Variants in CHCHD6 observed in about 807,000 individuals in gnomAD.
The protein encoded by CHCHD6 is MICOS complex subunit MIC25.
A neutral mutation model predicts 32.3 loss-of-function variants in CHCHD6; 28 were observed. That is an observed-to-expected ratio of 0.87 (90% CI 0.64 to 1.19). CHCHD6 has a LOEUF of 1.19. Among genes scored for constraint, CHCHD6 ranks in the 50% most tolerant of loss-of-function variants. CHCHD6 has a pLI of 0.00. For missense variants in CHCHD6, 333 were observed against 307.0 expected (o/e 1.08, Z -0.63); for synonymous variants, 122 against 117.5 (o/e 1.04, Z -0.25).
chr3:126,797,850 C>G (rs1938866379), intron 4 of CHCHD6, among the ~76,000 whole-genome samples: 1 of 152,128 alleles, frequency 6.6e-6, no homozygotes, highest in Non-Finnish European at 1.5e-5. Flanking sequence ...AGCTCTCCCC[C>G]ATGGTGTGGT....
At chr3:126,764,549 C>T (rs182153679) in intron 4 of CHCHD6, among the ~76,000 whole-genome samples, 4 of 152,314 alleles carry the variant, frequency 2.6e-5, no homozygotes, top group African/African-American at 9.6e-5. Flanking sequence ...CTGCTCCACT[C>T]CCTGGCTAGG....
chr3:126,940,124 C>T (rs1046912404), intron 6 of CHCHD6, among the ~76,000 whole-genome samples: 10 of 152,122 alleles, frequency 6.6e-5, no homozygotes, highest in South Asian at 2.1e-4. Flanking sequence ...GAAAAAGTTT[C>T]GTCTTCTGAT....
At chr3:126,871,791 G>A (rs1385756041) in intron 5 of CHCHD6, among the ~76,000 whole-genome samples, 16 of 148,456 alleles carry the variant, frequency 1.1e-4, no homozygotes, top group African/African-American at 3.5e-4. Context: ...TCAGCCTCCC[G>A]AGTAGCTGGG....
At chr3:126,871,586 C>T (rs1576534481) in intron 5 of CHCHD6, among the ~76,000 whole-genome samples, 1 of 151,852 alleles carries the variant, frequency 6.6e-6, no homozygotes, top group East Asian at 1.9e-4. Context: ...CTATGAGTAG[C>T]GAGCCTGGCA....
chr3:126,910,119 A>G (rs1420989709), intron 5 of CHCHD6, among the ~76,000 whole-genome samples: 1 of 152,100 alleles, frequency 6.6e-6, no homozygotes, highest in African/African-American at 2.4e-5. Flanking sequence ...TCTGTAAAAA[A>G]TACAAAAATT....
chr3:126,880,122 A>T lies in CHCHD6; in HGVS notation c.495+27392A>T, dbSNP rs532514575. 9.9e-5 allele frequency among the ~76,000 whole-genome samples: 15 copies of T among 152,284 alleles called. No homozygotes were observed. The East Asian group carries it at 2.9e-3, about 29-fold the overall frequency. ...TAGGGAGATGCCATTCTCATGTGACAATATACTAGGTGTGATACACCTGGG... is the reference window on the plus strand; with the variant it reads ...TAGGGAGATGCCATTCTCATGTGACTATATACTAGGTGTGATACACCTGGG... On this transcript the variant is annotated intron_variant, in intron 5 of 7. Transcript: ENST00000290913.
At chr3:126,766,563 C>T in intron 4 of CHCHD6, 1 of 1,148,850 alleles carries the variant, frequency 8.7e-7, no homozygotes, top group South Asian at 1.2e-5. Flanking sequence ...CATCCAGAGT[C>T]TTCACCTCCT....
intron 5 of CHCHD6, among the ~76,000 whole-genome samples, chr3:126,862,684 TCCC>T (rs200799329): frequency 7.1e-5 from 5 of 70,444 alleles, no homozygotes; most frequent in African/African-American, 6.0e-5. Context: ...CATCACCACC[TCCC>T]CCTCCTCCAC....
intron 4 of CHCHD6, among the ~76,000 whole-genome samples, chr3:126,787,997 C>T (rs1427653360): frequency 6.6e-6 from 1 of 152,054 alleles, no homozygotes; most frequent in Non-Finnish European, 1.5e-5. Flanking sequence ...TGAGATACGT[C>T]CCATCAATAC....
intron 5 of CHCHD6, 21 bp downstream of exon 5, chr3:126,852,751 C>T (rs753189944): frequency 1.9e-5 from 29 of 1,561,082 alleles, no homozygotes; most frequent in Non-Finnish European, 2.6e-5. Context: ...TGCTTGGCTG[C>T]ATTCCTCGGG....
Position 126,800,872 on chromosome 3 carries a change from A to T in CHCHD6, c.412-51775A>T, listed in dbSNP as rs575112558. Among the ~76,000 whole-genome samples the T allele has an allele frequency of 2.0e-5, 3 of 152,186 alleles. No homozygotes were observed. In the South Asian group the frequency reaches 6.2e-4, roughly 32 times the overall value. On this transcript the variant is annotated intron_variant, in intron 4 of 7. Transcript: ENST00000290913. ...AGGGCCCAAGTGAAAAGCTTCATAA[A>T]CATGGAAATTTAGAAGTTCTTCAGT... is the stretch of plus-strand genomic sequence containing the variant.
rs565377879 is a variant in CHCHD6, at chr3:126,804,311, G to A, written c.412-48336G>A. ...AAAGGATCAACAAAATTGATAGACC[G>A]CTAGCAAGACTAATAAAGAAAAAAA... On this transcript the variant is annotated intron_variant, in intron 4 of 7. Coordinates refer to ENST00000290913, the MANE Select transcript of CHCHD6 (RefSeq NM_032343.3). Among the ~76,000 whole-genome samples, 157 of 151,974 alleles carry A rather than the reference G, an allele frequency of 1.0e-3. 1 individual carries two copies. The highest frequency in any genetic ancestry group is 3.4e-3 in the African/African-American group (142 of 41,474).
At chr3:126,801,436 C>T (rs557585173) in intron 4 of CHCHD6, among the ~76,000 whole-genome samples, 3 of 152,342 alleles carry the variant, frequency 2.0e-5, no homozygotes, top group African/African-American at 7.2e-5. Context: ...GAGGATCCTA[C>T]GCCCACGGAG....
At chr3:126,723,269 G>A (rs1050941984) in intron 1 of CHCHD6, among the ~76,000 whole-genome samples, 1 of 151,970 alleles carries the variant, frequency 6.6e-6, no homozygotes, top group Non-Finnish European at 1.5e-5. Flanking sequence ...TGTTACTAAG[G>A]AAATGTTCAT....
At chr3:126,749,791 T>C (rs1406248605) in intron 4 of CHCHD6, among the ~76,000 whole-genome samples, 1 of 152,232 alleles carries the variant, frequency 6.6e-6, no homozygotes, top group East Asian at 1.9e-4. Flanking sequence ...TTTCTGGACA[T>C]ACCCTGTTGG....
At chr3:126,737,374 A>G (rs1009134468) in intron 4 of CHCHD6, among the ~76,000 whole-genome samples, 2 of 135,256 alleles carry the variant, frequency 1.5e-5, no homozygotes, top group Admixed American at 7.8e-5. Flanking sequence ...TTCTTTTATT[A>G]TTTTATGATG....
chr3:126,796,625 T>C (rs1403248364), intron 4 of CHCHD6, among the ~76,000 whole-genome samples: 1 of 152,126 alleles, frequency 6.6e-6, no homozygotes, highest in Non-Finnish European at 1.5e-5. Context: ...GGCCCAGATA[T>C]GCCCCAGGGA....
At chr3:126,784,524 G>A (rs2107682505) in intron 4 of CHCHD6, among the ~76,000 whole-genome samples, 1 of 152,252 alleles carries the variant, frequency 6.6e-6, no homozygotes, top group Admixed American at 6.5e-5. Flanking sequence ...GAAAGCTTTG[G>A]TGCTAATTTG....
intron 4 of CHCHD6, among the ~76,000 whole-genome samples, chr3:126,764,321 A>C (rs1576387074): frequency 6.6e-6 from 1 of 151,652 alleles, no homozygotes; most frequent in Non-Finnish European, 1.5e-5. Context: ...TCATCTTTCA[A>C]ATTCTTTGTC....
Sources: gnomAD v4.1 joint callset for allele counts (sites outside exome capture counted in the v4.1 genomes callset) on GRCh38, gnomAD v4.1.1 for gene constraint, MANE v1.5 for transcripts, NCBI Gene and HGNC (gene_info 2026-07-23, HGNC 2026-07-21) for gene names.